USP54: variants seen among roughly 807,000 people sequenced by gnomAD.
USP54 encodes the protein ubiquitin carboxyl-terminal hydrolase 54.
In USP54, 87 loss-of-function variants were observed where a neutral mutation model predicts 170.5. The observed-to-expected ratio is 0.51, with a 90% CI of 0.43 to 0.61. The LOEUF (loss-of-function observed/expected upper bound fraction) is 0.61. USP54 is among the 20% of genes least tolerant of loss of function. The pLI, the probability that USP54 is intolerant of heterozygous loss-of-function variation, is 0.00. For missense variants in USP54, 1,786 were observed against 2,047.8 expected (o/e 0.87, Z 2.47); for synonymous variants, 655 against 742.8 (o/e 0.88, Z 1.92).
At chr10:73,601,465 TACTC>T (rs769856017) in intron 1 of USP54, among the ~76,000 whole-genome samples, 20 of 151,968 alleles carry the variant, frequency 1.3e-4, no homozygotes, top group Non-Finnish European at 2.4e-4. Context: ...TTCAACCTGA[TACTC>T]ACACACACAT....
intron 22 of USP54, 103 bp from the exon 23 acceptor site, chr10:73,500,941 C>A: frequency 7.8e-7 from 1 of 1,284,122 alleles, no homozygotes; most frequent in Non-Finnish European, 1.1e-6. Context: ...ATGGAGGGAA[C>A]CAGAGCACAA....
At chr10:73,616,686 G>A (rs954056555) in intron 1 of USP54, among the ~76,000 whole-genome samples, 10 of 150,182 alleles carry the variant, frequency 6.7e-5, no homozygotes, top group African/African-American at 1.5e-4. Flanking sequence ...TTATCTGGGC[G>A]TGGTGGCAGG....
intron 1 of USP54, among the ~76,000 whole-genome samples, chr10:73,617,096 G>A (rs185384755): frequency 1.3e-5 from 2 of 150,306 alleles, no homozygotes; most frequent in African/African-American, 5.0e-5. Flanking sequence ...TCGGGAGTTC[G>A]AGACCAGCCT....
intron 20 of USP54, chr10:73,507,251 A>C (rs1589832076): frequency 6.6e-6 from 1 of 151,936 alleles, no homozygotes; most frequent in Non-Finnish European, 1.5e-5. Flanking sequence ...GAGAAGAGAC[A>C]GGAAAATTGT....
chr10:73,529,362 G>T, intron 15 of USP54: 1 of 365,410 alleles, frequency 2.7e-6, no homozygotes, highest in Non-Finnish European at 5.3e-6. Context: ...CTTAATATGT[G>T]GGTAACAAAA....
At chr10:73,598,411 A>C (rs1425230881) in intron 1 of USP54, among the ~76,000 whole-genome samples, 1 of 152,222 alleles carries the variant, frequency 6.6e-6, no homozygotes, top group Non-Finnish European at 1.5e-5. Context: ...ATAAATCTTC[A>C]TGACCCTGGG....
At chr10:73,600,213 A>C (rs565790815) in intron 1 of USP54, among the ~76,000 whole-genome samples, 2 of 152,004 alleles carry the variant, frequency 1.3e-5, no homozygotes, top group African/African-American at 4.8e-5. Flanking sequence ...GGCTCTTTTC[A>C]TAAGGCCATG....
At chr10:73,595,068 G>A (rs1158605270), upstream of USP54, among the ~76,000 whole-genome samples, 1 of 152,060 alleles carries the variant, frequency 6.6e-6, no homozygotes, top group African/African-American at 2.4e-5. Context: ...TGGGATTACA[G>A]GTGCACACCA....
chr10:73,521,378 T>C (rs1483259387), intron 17 of USP54, among the ~76,000 whole-genome samples: 1 of 152,168 alleles, frequency 6.6e-6, no homozygotes, highest in Non-Finnish European at 1.5e-5. Flanking sequence ...AAGAACAAAG[T>C]AATAGCAGAA....
intron 4 of USP54, among the ~76,000 whole-genome samples, chr10:73,553,726 T>C (rs1301832786): frequency 6.6e-6 from 1 of 152,208 alleles, no homozygotes; most frequent in African/African-American, 2.4e-5. Flanking sequence ...GATGGTTCCA[T>C]TTCAACAAGT....
chr10:73,560,209 C>T (rs1228578988), intron 4 of USP54, among the ~76,000 whole-genome samples: 1 of 152,144 alleles, frequency 6.6e-6, no homozygotes, highest in Admixed American at 6.5e-5. Context: ...TAACATGTAA[C>T]TTAACCACAG....
At chr10:73,621,108 A>T (rs975835437) in intron 1 of USP54, among the ~76,000 whole-genome samples, 4 of 150,162 alleles carry the variant, frequency 2.7e-5, no homozygotes, top group Non-Finnish European at 2.9e-5. Flanking sequence ...ATGAGCCAAG[A>T]TTGTGCCACT....
chr10:73,552,106 G>T (rs1483820920), intron 4 of USP54, among the ~76,000 whole-genome samples: 1 of 152,142 alleles, frequency 6.6e-6, no homozygotes, highest in Admixed American at 6.5e-5. Context: ...GCTAAAATGG[G>T]TTCAAAATCC....
chr10:73,513,397 G>C (rs111818162), intron 20 of USP54: 1 of 151,856 alleles, frequency 6.6e-6, no homozygotes, highest in Non-Finnish European at 1.5e-5. Flanking sequence ...CCCGGGAGGC[G>C]GAGGTTGCAG....
intron 1 of USP54, among the ~76,000 whole-genome samples, chr10:73,584,064 A>AAGGT (rs1207970421): frequency 1.3e-5 from 2 of 152,180 alleles, no homozygotes; most frequent in African/African-American, 2.4e-5. Flanking sequence ...TATATGTCTA[A>AAGGT]AGGTAGATGG....
chr10:73,588,803 T>C (rs1564931065), intron 1 of USP54, among the ~76,000 whole-genome samples: 3 of 152,220 alleles, frequency 2.0e-5, no homozygotes, highest in Admixed American at 1.3e-4. Flanking sequence ...AGTTACTTTG[T>C]TTTTTGTATT....
intron 16 of USP54, 51 bp downstream of exon 16, chr10:73,526,596 A>G: frequency 6.2e-7 from 1 of 1,607,122 alleles, no homozygotes; most frequent in Non-Finnish European, 8.5e-7. Context: ...TGGTCCCCAG[A>G]CAAAACTGCC....
upstream of USP54, among the ~76,000 whole-genome samples, chr10:73,591,852 G>T (rs946386567): frequency 6.6e-6 from 1 of 152,166 alleles, no homozygotes; most frequent in Non-Finnish European, 1.5e-5. Flanking sequence ...CCCTAATTCA[G>T]AATTCCAAGA....
intron 19 of USP54, among the ~76,000 whole-genome samples, 162 bp from the exon 20 acceptor site, chr10:73,517,909 A>C (rs2061306404): frequency 6.6e-6 from 1 of 152,250 alleles, no homozygotes; most frequent in Non-Finnish European, 1.5e-5. Flanking sequence ...AGAGGATCAC[A>C]AAAGAAAAGG....
Sources: gnomAD v4.1 joint callset for allele counts (sites outside exome capture counted in the v4.1 genomes callset) on GRCh38, gnomAD v4.1.1 for gene constraint, MANE v1.5 for transcripts, NCBI Gene and HGNC (gene_info 2026-07-23, HGNC 2026-07-21) for gene names.